The following LRBA variants were observed in gnomAD, a reference collection of about 807,000 sequenced individuals.
The protein encoded by LRBA is LPS responsive beige-like anchor protein.
A neutral mutation model predicts 330.0 loss-of-function variants in LRBA; 176 were observed. That is an observed-to-expected ratio of 0.53 (90% CI 0.47 to 0.60). The LOEUF (loss-of-function observed/expected upper bound fraction) is 0.60, where lower values mean the gene tolerates loss of function less well. Among genes scored for constraint, LRBA ranks in the 20% least tolerant of loss-of-function variants. LRBA has a pLI of 0.00. For synonymous variants in LRBA, 1,230 were observed against 1,193.0 expected (o/e 1.03, Z -0.64); for missense variants, 3,259 against 3,444.8 (o/e 0.95, Z 1.35).
chr4:150,696,618 A>G (rs1329247307), intron 36 of LRBA, among the ~76,000 whole-genome samples: 1 of 152,202 alleles, frequency 6.6e-6, no homozygotes, highest in Non-Finnish European at 1.5e-5. Context: ...TTAGTAAAAT[A>G]AATACAATAT....
At chr4:150,837,142 G>A (rs965544507) in intron 28 of LRBA, among the ~76,000 whole-genome samples, 1 of 152,182 alleles carries the variant, frequency 6.6e-6, no homozygotes, top group Non-Finnish European at 1.5e-5. Flanking sequence ...TAGTTTGATT[G>A]CACTGTGGTC....
At chr4:150,502,799 C>T (rs1253776785) in intron 40 of LRBA, among the ~76,000 whole-genome samples, 1 of 152,228 alleles carries the variant, frequency 6.6e-6, no homozygotes, top group Non-Finnish European at 1.5e-5. Flanking sequence ...ATTCCCTTTC[C>T]TAGTCAAAGA....
At chr4:150,707,597 A>AAC (rs1785758156) in intron 36 of LRBA, among the ~76,000 whole-genome samples, 1 of 151,696 alleles carries the variant, frequency 6.6e-6, no homozygotes, top group Admixed American at 6.6e-5. Context: ...ATGATATTGA[A>AAC]AACAACAAGT....
intron 2 of LRBA, among the ~76,000 whole-genome samples, chr4:150,944,490 T>G (rs1358770578): frequency 6.6e-6 from 1 of 152,152 alleles, no homozygotes; most frequent in Non-Finnish European, 1.5e-5. Flanking sequence ...ATTTAATTAT[T>G]TGTGACAGTT....
At chr4:150,834,077 T>A (rs1265531595) in intron 28 of LRBA, among the ~76,000 whole-genome samples, 1 of 152,212 alleles carries the variant, frequency 6.6e-6, no homozygotes, top group Non-Finnish European at 1.5e-5. Flanking sequence ...CTGCTTCTCA[T>A]TCTGATTCTC....
chr4:150,416,634 T>TA (rs57095412), intron 46 of LRBA, among the ~76,000 whole-genome samples: 59,910 of 142,422 alleles, frequency 0.42, 12,412 homozygotes, highest in Non-Finnish European at 0.49. Context: ...ACTGAACAAT[T>TA]AAAAAAAAAA....
At chr4:150,459,194 G>A (rs567330671) in intron 44 of LRBA, among the ~76,000 whole-genome samples, 7 of 151,888 alleles carry the variant, frequency 4.6e-5, no homozygotes, top group East Asian at 1.9e-4. Context: ...GGGCTTTCAC[G>A]ACTTGGTACT....
At position 150,321,317 on chromosome 4, in the gene LRBA, T is replaced by C; in HGVS notation, c.7504A>G (p.Lys2502Glu). The change falls in exon 50 of 57, where the codon AAG (lysine) becomes GAG (glutamate). Residue 2502 changes from lysine to glutamate, a missense_variant. By Grantham distance (56) the Lys-to-Glu change is moderately conservative (BLOSUM62 1). Transcript: ENST00000651943. This position sits in a 1 kb window ranked among gnomAD's most constrained non-coding sequence, Gnocchi z 4.5. ...KAQQDVIMVL[K>E]FPSNSPVTHV... The stretch of plus-strand genomic sequence containing the variant: ...GTAACAGGGGAGTTGGAGGGAAACT[T>C]GAGGACCATGATAACATCCTGCTGG... The C allele has an allele frequency of 6.2e-7, 1 of 1,607,222 alleles. No homozygotes were observed. The highest frequency in any genetic ancestry group is 8.5e-7 in the Non-Finnish European group (1 of 1,177,784).
At chr4:150,814,641 AT>A (rs1472212360) in intron 31 of LRBA, among the ~76,000 whole-genome samples, 1 of 150,946 alleles carries the variant, frequency 6.6e-6, no homozygotes, top group Non-Finnish European at 1.5e-5. Flanking sequence ...TTTTTTAAAA[AT>A]GGGGGGGGCT....
intron 37 of LRBA, among the ~76,000 whole-genome samples, chr4:150,639,753 A>ATGTGTGTGTGTG (rs755120231): frequency 3.8e-5 from 1 of 26,386 alleles, no homozygotes; most frequent in Non-Finnish European, 6.6e-5. Flanking sequence ...ATATATATAT[A>ATGTGTGTGTGTG]TATATATATA....
At chr4:151,011,193 A>C (rs1355311634) in intron 2 of LRBA, among the ~76,000 whole-genome samples, 1 of 151,986 alleles carries the variant, frequency 6.6e-6, no homozygotes, top group Non-Finnish European at 1.5e-5. Flanking sequence ...TCTCAAAAAA[A>C]AAAAAGAGAA....
intron 2 of LRBA, among the ~76,000 whole-genome samples, chr4:150,934,957 G>A (rs1012934054): frequency 3.3e-5 from 5 of 150,986 alleles, no homozygotes; most frequent in South Asian, 2.1e-4. Context: ...GCGGTGAGCC[G>A]AGATCGCGCC....
At chr4:150,935,268 T>C (rs570536200) in intron 2 of LRBA, among the ~76,000 whole-genome samples, 1 of 152,126 alleles carries the variant, frequency 6.6e-6, no homozygotes, top group African/African-American at 2.4e-5. Context: ...AATATAGGAA[T>C]GACACCAAGT....
At chr4:150,630,620 A>G (rs1230229204) in intron 37 of LRBA, among the ~76,000 whole-genome samples, 1 of 152,170 alleles carries the variant, frequency 6.6e-6, no homozygotes, top group Non-Finnish European at 1.5e-5. Flanking sequence ...AATACTTTGC[A>G]ATAAGATAAA....
intron 47 of LRBA, among the ~76,000 whole-genome samples, chr4:150,391,922 G>C (rs1744005201): frequency 7.8e-6 from 1 of 128,622 alleles, no homozygotes; most frequent in Non-Finnish European, 1.6e-5. Context: ...TGTCATCTGA[G>C]TAACATAAAA....
chr4:150,517,556 A>G (rs1052771448), intron 40 of LRBA, among the ~76,000 whole-genome samples: 3 of 152,122 alleles, frequency 2.0e-5, no homozygotes, highest in East Asian at 1.9e-4. Context: ...TCTGGGGGAT[A>G]GATGATGGGG....
chr4:150,702,790 T>TA (rs1341291043), intron 36 of LRBA, among the ~76,000 whole-genome samples: 2 of 152,076 alleles, frequency 1.3e-5, no homozygotes, highest in Admixed American at 1.3e-4. Flanking sequence ...ACTCAACCCT[T>TA]AAAAAAAATC....
intron 11 of LRBA, among the ~76,000 whole-genome samples, chr4:150,907,839 G>T (rs753252405): frequency 6.6e-6 from 1 of 151,842 alleles, no homozygotes; most frequent in Non-Finnish European, 1.5e-5. Context: ...TGTGCTAAAT[G>T]TACAATCTAA....
chr4:150,463,741 G>T (rs929509573), intron 44 of LRBA, among the ~76,000 whole-genome samples: 1 of 151,850 alleles, frequency 6.6e-6, no homozygotes, highest in Non-Finnish European at 1.5e-5. Context: ...TTTAATAAAG[G>T]ATTCTGTTTA....
Sources: gnomAD v4.1 joint callset for allele counts (sites outside exome capture counted in the v4.1 genomes callset) on GRCh38, gnomAD v4.1.1 for gene constraint, Gnocchi (gnomAD v3.1) non-coding constraint, MANE v1.5 for transcripts, NCBI Gene and HGNC (gene_info 2026-07-23, HGNC 2026-07-21) for gene names.